WDFY3: variants seen among roughly 807,000 people sequenced by gnomAD.
The protein encoded by WDFY3 is WD repeat and FYVE domain containing 3, also known as WD repeat and FYVE domain-containing protein 3.
Under a neutral mutation model 409.6 loss-of-function variants are expected in WDFY3, and 66 were observed. That is an observed-to-expected ratio of 0.16 (90% CI 0.13 to 0.20). The LOEUF (loss-of-function observed/expected upper bound fraction) is 0.20. Among genes scored for constraint, WDFY3 ranks in the 10% least tolerant of loss-of-function variants. WDFY3 has a pLI of 1.00. For synonymous variants in WDFY3, 1,521 were observed against 1,537.1 expected (o/e 0.99, Z 0.25); for missense variants, 3,031 against 4,298.1 (o/e 0.71, Z 8.24).
At chr4:84,724,773 T>C (rs1421535691) in intron 45 of WDFY3, among the ~76,000 whole-genome samples, 179 bp from the exon 46 acceptor site, 1 of 152,212 alleles carries the variant, frequency 6.6e-6, no homozygotes, top group Non-Finnish European at 1.5e-5. Flanking sequence ...TAAAATTCTA[T>C]TGATTTTTTA....
At position 84,764,558 on chromosome 4, in the gene WDFY3, G is replaced by A. The variant is rs533649393; in HGVS notation, c.5188+1252C>T. Among the ~76,000 whole-genome samples the A allele has an allele frequency of 3.3e-5, 5 of 152,204 alleles. No homozygotes were observed. In the East Asian group the frequency reaches 9.7e-4, roughly 29 times the overall value. On this transcript the variant is annotated intron_variant, in intron 32 of 67. Transcript: ENST00000295888. ...TGAAATAACAATACAATAGTACTAT[G>A]TTGAAAGACCTGTCTTCCTATGGCT...
intron 55 of WDFY3, 86 bp from the exon 56 acceptor site, chr4:84,702,592 C>G (rs1731222935): frequency 8.2e-7 from 1 of 1,226,390 alleles, no homozygotes; most frequent in Non-Finnish European, 1.1e-6. Flanking sequence ...AAAACTCCAA[C>G]TATAGTTGGT....
At chr4:84,911,755 CTATTTT>C (rs1561059574) in intron 2 of WDFY3, among the ~76,000 whole-genome samples, 2 of 152,026 alleles carry the variant, frequency 1.3e-5, no homozygotes, top group Non-Finnish European at 1.5e-5. Context: ...AGATACCAGT[CTATTTT>C]TATCATTTTT....
intron 3 of WDFY3, among the ~76,000 whole-genome samples, chr4:84,883,998 A>C (rs926704199): frequency 6.6e-6 from 1 of 152,152 alleles, no homozygotes; most frequent in African/African-American, 2.4e-5. Flanking sequence ...TAAAAATTAC[A>C]ATTTGAATTG....
At position 84,740,391 on chromosome 4, in the gene WDFY3, G is replaced by A. The variant is rs370239667; in HGVS notation, c.6260C>T (p.Ser2087Leu). Residue 2087 changes from serine to leucine, a missense_variant, in exon 39 of 68, where the codon TCA (serine) becomes TTA (leucine). Ser to Leu is a moderately radical substitution (Grantham distance 145). This residue lies in a region of WDFY3 where 314 missense variants were observed against 397.4 expected (regional missense o/e 0.79). Transcript: ENST00000295888. ...AQSKRRSQGL[S>L]LDAVYHCLNR... ...GAGGCAATGATACACTGCATCCAGT[G>A]ACAATCCCTGTGATCTTCTCTTTGA... The A allele has an allele frequency of 1.2e-6, 2 of 1,614,076 alleles. No individual in the cohort carries two copies. Among genetic ancestry groups the A allele is most frequent in the Non-Finnish European group, 1.7e-6 (2 of 1,180,006 alleles).
intron 45 of WDFY3, 73 bp downstream of exon 45, chr4:84,726,788 T>TAA (rs71670880): frequency 7.5e-3 from 9,314 of 1,238,506 alleles, no homozygotes; most frequent in Non-Finnish European, 8.7e-3. Context: ...ACCATGCACT[T>TAA]AAAAAAAAAA....
At chr4:84,821,894 C>G (rs1754125913) in intron 10 of WDFY3, among the ~76,000 whole-genome samples, 1 of 152,078 alleles carries the variant, frequency 6.6e-6, no homozygotes, top group East Asian at 1.9e-4. Context: ...TTGATTTTGA[C>G]TATAAGGACA....
At chr4:84,837,597 G>T (rs1299493924) in intron 6 of WDFY3, among the ~76,000 whole-genome samples, 1 of 152,048 alleles carries the variant, frequency 6.6e-6, no homozygotes, top group East Asian at 1.9e-4. Flanking sequence ...TTTGAGGCTG[G>T]AAAGACACTT....
At chr4:84,777,305 T>C (rs576217792) in intron 27 of WDFY3, among the ~76,000 whole-genome samples, 24 of 151,712 alleles carry the variant, frequency 1.6e-4, no homozygotes, top group African/African-American at 5.8e-4. Flanking sequence ...TCAGCCTAGG[T>C]AAGAGTTTAA....
chr4:84,905,839 C>A (rs915560711), intron 2 of WDFY3, among the ~76,000 whole-genome samples: 3 of 152,222 alleles, frequency 2.0e-5, no homozygotes, highest in Non-Finnish European at 4.4e-5. Context: ...ACTGTTCACA[C>A]TGCAGGGTCT....
chr4:84,836,693 C>A (rs1162023386), intron 7 of WDFY3, among the ~76,000 whole-genome samples: 1 of 152,082 alleles, frequency 6.6e-6, no homozygotes, highest in African/African-American at 2.4e-5. Flanking sequence ...ATCTCAATGG[C>A]TGGATCTGTT....
At chr4:84,848,989 C>A (rs1247359579) in intron 5 of WDFY3, among the ~76,000 whole-genome samples, 1 of 152,030 alleles carries the variant, frequency 6.6e-6, no homozygotes, top group East Asian at 1.9e-4. Flanking sequence ...AGAAAAGAAC[C>A]CATTTTTCAC....
At chr4:84,916,099 T>C (rs189177695) in intron 2 of WDFY3, among the ~76,000 whole-genome samples, 78 of 152,322 alleles carry the variant, frequency 5.1e-4, no homozygotes, top group African/African-American at 1.8e-3. Flanking sequence ...AAGACAACTA[T>C]CTTTTTTGTG....
intron 53 of WDFY3, among the ~76,000 whole-genome samples, chr4:84,707,344 G>A (rs1732140216): frequency 6.6e-6 from 1 of 152,184 alleles, no homozygotes; most frequent in Non-Finnish European, 1.5e-5. Context: ...TTAGGAGACT[G>A]CTGCAATGGT....
chr4:84,847,726 A>G (rs1758287356), intron 5 of WDFY3, among the ~76,000 whole-genome samples: 1 of 143,876 alleles, frequency 7.0e-6, no homozygotes, highest in Non-Finnish European at 1.5e-5. Flanking sequence ...GTGAGCTGAG[A>G]TCGCGCCACT....
chr4:84,925,942 A>C (rs1009018943), intron 2 of WDFY3, among the ~76,000 whole-genome samples: 2 of 151,926 alleles, frequency 1.3e-5, no homozygotes, highest in South Asian at 4.2e-4. Context: ...ACATTTTTGC[A>C]TGTTTAAATT....
intron 1 of WDFY3, among the ~76,000 whole-genome samples, chr4:84,938,355 AATG>A (rs1302513065): frequency 1.3e-5 from 2 of 151,966 alleles, no homozygotes; most frequent in East Asian, 1.9e-4. Flanking sequence ...GATAATTGAT[AATG>A]ATGATAACCT....
In WDFY3 at chr4:84,787,717, TA is replaced by T; in HGVS notation, c.3670-5del. ...GAGTACTGTGGACATAATGAAGCTG[TA>T]AGGAAGACAAAAGCAAATGTGTGAG... On this transcript the variant is annotated splice_region_variant and splice_polypyrimidine_tract_variant and intron_variant, in intron 22 of 67. Coordinates refer to ENST00000295888, the MANE Select transcript of WDFY3 (RefSeq NM_014991.6). The T allele has an allele frequency of 6.2e-7, 1 of 1,601,278 alleles. No homozygotes were observed. The highest frequency in any genetic ancestry group is 8.6e-7 in the Non-Finnish European group (1 of 1,169,442).
intron 53 of WDFY3, among the ~76,000 whole-genome samples, chr4:84,706,667 T>A (rs17009205): frequency 0.037 from 5,679 of 151,666 alleles, 316 homozygotes; most frequent in African/African-American, 0.13. Context: ...GGTACTTGAG[T>A]GCCTCCTGAA....
Sources: allele counts gnomAD v4.1 joint callset (sites outside exome capture counted in the v4.1 genomes callset), GRCh38; gene constraint gnomAD v4.1.1; regional missense constraint gnomAD v4.1.1; transcripts MANE v1.5; gene names NCBI Gene and HGNC (gene_info 2026-07-23, HGNC 2026-07-21).